The following DNAH12 variants were observed in gnomAD, a reference collection of about 807,000 sequenced individuals.
The protein encoded by DNAH12 is dynein axonemal heavy chain 12.
DNAH12 carries 285 observed loss-of-function variants against 371.5 expected under a neutral mutation model. The observed-to-expected ratio is 0.77, with a 90% CI of 0.70 to 0.85. The LOEUF is 0.85. DNAH12 is among the 40% of genes least tolerant of loss of function. The probability of loss-of-function intolerance (pLI) is 0.00; values close to 1 mark genes in which losing one functional copy is unlikely to be tolerated. For synonymous variants in DNAH12, 1,200 were observed against 1,213.0 expected (o/e 0.99, Z 0.22); for missense variants, 3,611 against 3,689.4 (o/e 0.98, Z 0.55).
intron 39 of DNAH12, among the ~76,000 whole-genome samples, chr3:57,411,866 T>C (rs1336064921): frequency 6.6e-6 from 1 of 152,154 alleles, no homozygotes; most frequent in Admixed American, 6.5e-5. Context: ...AGTCCCAGAT[T>C]AGTCAACACT....
intron 73 of DNAH12, among the ~76,000 whole-genome samples, chr3:57,294,409 T>C (rs553596759): frequency 1.8e-4 from 28 of 152,226 alleles, no homozygotes; most frequent in Middle Eastern, 3.4e-3. Flanking sequence ...ACCCCTGACC[T>C]CGTGATCTGC....
At chr3:57,373,937 G>A (rs1331706592) in intron 55 of DNAH12, among the ~76,000 whole-genome samples, 4 of 152,186 alleles carry the variant, frequency 2.6e-5, no homozygotes, top group Non-Finnish European at 5.9e-5. Context: ...AACAGGAGTT[G>A]TTTTGAAGCT....
intron 60 of DNAH12, among the ~76,000 whole-genome samples, chr3:57,343,888 A>T (rs565893395): frequency 6.6e-6 from 1 of 152,322 alleles, no homozygotes; most frequent in Admixed American, 6.5e-5. Flanking sequence ...TCTGGCCCAC[A>T]TACACGTCTA....
chr3:57,554,490 A>ATCT, the DNAH12 span, among the ~76,000 whole-genome samples: 1 of 152,242 alleles, frequency 6.6e-6, no homozygotes, highest in East Asian at 1.9e-4. Flanking sequence ...ATGGCTTAGA[A>ATCT]TGCACTACAC....
In DNAH12 at chr3:57,445,481, A is replaced by G. The variant is rs532855123; in HGVS notation, c.4180-62T>C. The stretch of plus-strand genomic sequence containing the variant: ...AAATGAAGCTGTTTTTAAGCTGAGC[A>G]TAAGTATTCAAAGGTGTGGTGTTGT... On this transcript the variant is annotated intron_variant, in intron 27 of 73. Transcript: ENST00000495027. 200 of 1,352,778 alleles carry G rather than the reference A, an allele frequency of 1.5e-4. No homozygotes were observed. In the African/African-American group the frequency reaches 2.2e-3, roughly 15 times the overall value. The allele number at this position is 1,352,778 out of a possible 1,614,324, so 83.8% of individuals were successfully genotyped here. A position where few individuals can be genotyped will look rare whatever the true frequency, so the allele number is the denominator to read the frequency against.
At chr3:57,304,834 T>C (rs1361531778) in intron 69 of DNAH12, among the ~76,000 whole-genome samples, 2 of 152,046 alleles carry the variant, frequency 1.3e-5, no homozygotes, top group Admixed American at 6.6e-5. Context: ...TCCATGTCTC[T>C]ACCCCTTCTC....
chr3:57,516,894 C>T (rs953871860), intron 4 of DNAH12, among the ~76,000 whole-genome samples: 1 of 152,188 alleles, frequency 6.6e-6, no homozygotes, highest in Non-Finnish European at 1.5e-5. Context: ...ATCCAAGCAA[C>T]TTATCATAGC....
intron 36 of DNAH12, among the ~76,000 whole-genome samples, chr3:57,420,563 A>G (rs1440827506): frequency 6.6e-6 from 1 of 152,040 alleles, no homozygotes; most frequent in East Asian, 1.9e-4. Flanking sequence ...TTTCCTAGAG[A>G]CCTTCACCTT....
intron 5 of DNAH12, 100 bp from the exon 6 acceptor site, chr3:57,509,312 G>T (rs2067894303): frequency 3.7e-6 from 4 of 1,093,102 alleles, no homozygotes; most frequent in African/African-American, 3.2e-5. Context: ...AGTTTACTGT[G>T]CATTAAAAGG....
At chr3:57,553,888 G>T in the DNAH12 span, among the ~76,000 whole-genome samples, 1 of 149,792 alleles carries the variant, frequency 6.7e-6, no homozygotes, top group Non-Finnish European at 1.5e-5. Context: ...GCAGTGGCGC[G>T]ATCTCGGCTC....
At chr3:57,301,054 C>A (rs1434529997) in intron 70 of DNAH12, among the ~76,000 whole-genome samples, 1 of 151,738 alleles carries the variant, frequency 6.6e-6, no homozygotes, top group African/African-American at 2.4e-5. Context: ...CTTTGGGAGG[C>A]CAAGGTGGGA....
chr3:57,339,448 G>A (rs995096567), intron 60 of DNAH12, among the ~76,000 whole-genome samples: 4 of 151,776 alleles, frequency 2.6e-5, no homozygotes, highest in Admixed American at 2.6e-4. Flanking sequence ...GGGAGGGGTT[G>A]GCAGGATAAG....
rs563130725 is a variant in DNAH12, at chr3:57,349,518, G to A, written c.9674+2567C>T. On this transcript the variant is annotated intron_variant, in intron 60 of 73. Coordinates refer to ENST00000495027, the MANE Select transcript of DNAH12 (RefSeq NM_001366028.2). Reference sequence around the variant, plus strand: ...ATATGAAAAAGACACCTGTACACACGTTTATAGCAGCACAATTTGCAATTG... The same window carrying A: ...ATATGAAAAAGACACCTGTACACACATTTATAGCAGCACAATTTGCAATTG... Among the ~76,000 whole-genome samples, 4 of 152,266 alleles carry A rather than the reference G, an allele frequency of 2.6e-5. No homozygotes were observed. In the South Asian group the frequency reaches 6.2e-4, roughly 24 times the overall value.
At position 57,441,386 on chromosome 3, in the gene DNAH12, A is replaced by G. The variant is rs79255357; in HGVS notation, c.4545+3311T>C. ...ACAGAGAGAAAGTAATGAAAAACAA[A>G]AGAGAAAAAAAGAGGCATGAGAGAC... On this transcript the variant is annotated intron_variant, in intron 29 of 73. Transcript: ENST00000495027. Among the ~76,000 whole-genome samples the G allele has an allele frequency of 1.0e-2, 1,519 of 152,204 alleles. 15 individuals are homozygous for G. Among genetic ancestry groups the G allele is most frequent in the African/African-American group, 0.035 (1,446 of 41,472 alleles).
In DNAH12 at chr3:57,476,292, G is replaced by A. The variant is rs151102076; in HGVS notation, c.1651-3621C>T. Among the ~76,000 whole-genome samples, 120 of 152,240 alleles carry A rather than the reference G, an allele frequency of 7.9e-4. 2 individuals carry two copies. In the East Asian group the frequency reaches 0.016, roughly 21 times the overall value. On this transcript the variant is annotated intron_variant, in intron 13 of 73. Transcript: ENST00000495027. ...CTATAAAAATCAGAATAGGCCAGGC[G>A]CAGTGGCTCATGCCTGTAATCCTAG...
intron 50 of DNAH12, among the ~76,000 whole-genome samples, chr3:57,381,067 C>G (rs1271594102): frequency 6.6e-6 from 1 of 151,962 alleles, no homozygotes; most frequent in Non-Finnish European, 1.5e-5. Flanking sequence ...AGACAAATTC[C>G]GCACTTACCT....
chr3:57,368,302 G>A (rs1208085458), intron 55 of DNAH12, 42 bp from the exon 56 acceptor site: 2 of 152,010 alleles, frequency 1.3e-5, no homozygotes, highest in African/African-American at 2.4e-5. Context: ...AGACATAGAC[G>A]TTGAGATTTC....
At chr3:57,352,426 T>C (rs1356435403) in intron 59 of DNAH12, among the ~76,000 whole-genome samples, 2 of 152,156 alleles carry the variant, frequency 1.3e-5, no homozygotes, top group South Asian at 2.1e-4. Flanking sequence ...GGTTGTACTA[T>C]AGGCAAGATG....
the DNAH12 span, among the ~76,000 whole-genome samples, chr3:57,552,768 G>A: frequency 6.6e-6 from 1 of 152,028 alleles, no homozygotes; most frequent in African/African-American, 2.4e-5. Context: ...AAAACAATTA[G>A]TTGGGTGTAG....
Sources: allele counts gnomAD v4.1 joint callset (sites outside exome capture counted in the v4.1 genomes callset), GRCh38; gene constraint gnomAD v4.1.1; transcripts MANE v1.5; gene names NCBI Gene and HGNC (gene_info 2026-07-23, HGNC 2026-07-21).